GRM4: variants seen among roughly 807,000 people sequenced by gnomAD.
GRM4 encodes glutamate metabotropic receptor 4, also known as metabotropic glutamate receptor 4.
A neutral mutation model predicts 81.7 loss-of-function variants in GRM4; 28 were observed. That is an observed-to-expected ratio of 0.34 (90% CI 0.25 to 0.47). The LOEUF (loss-of-function observed/expected upper bound fraction) is 0.47, where lower values mean the gene tolerates loss of function less well. Among genes scored for constraint, GRM4 ranks in the 20% least tolerant of loss-of-function variants. The probability of loss-of-function intolerance (pLI) is 1.00; values close to 1 mark genes in which losing one functional copy is unlikely to be tolerated. For synonymous variants in GRM4, 488 were observed against 528.8 expected, an observed-to-expected ratio of 0.92 and a Z score of 1.06; for missense variants, 948 against 1,290.0, an observed-to-expected ratio of 0.73 and a Z score of 4.06.
chr6:34,040,141 G>C lies in GRM4; in HGVS notation c.1506+37C>G, dbSNP rs200048856. On this transcript the variant is annotated intron_variant, in intron 8 of 10. Transcript: ENST00000538487. The stretch of plus-strand genomic sequence containing the variant: ...CCCCTCCCAGGGGCTGGAACTGCGT[G>C]AGTCACTCTCCACCCACTCCCTGCC... 1.9e-6 allele frequency: 3 copies of C among 1,603,404 alleles called. No homozygotes were observed. In the East Asian group the frequency reaches 6.7e-5, roughly 36 times the overall value.
At position 34,111,349 on chromosome 6, in the gene GRM4, ACACT is replaced by A. The variant is rs1283079951; in HGVS notation, c.520-19254_520-19251del. On this transcript the variant is annotated intron_variant, in intron 2 of 10. Coordinates refer to ENST00000538487, the MANE Select transcript of GRM4 (RefSeq NM_000841.4). The surrounding 1 kb of genome is among the most constrained non-coding windows in gnomAD (Gnocchi z 5.1). The stretch of plus-strand genomic sequence containing the variant: ...GTCCCACACATACTTTCCTGGACTC[ACACT>A]CACAGGCCTCTTGGTGGTAAGTACA... Among the ~76,000 whole-genome samples, 2 of 150,634 alleles carry A rather than the reference ACACT, an allele frequency of 1.3e-5. No homozygotes were observed. The highest frequency in any genetic ancestry group is 3.0e-5 in the Non-Finnish European group (2 of 67,744).
chr6:34,155,461 T>C (rs1016664317), exon 1 of GRM4: 3 of 959,264 alleles, frequency 3.1e-6, no homozygotes, highest in Middle Eastern at 3.4e-4. Context: ...CGACGCACAT[T>C]GGAGTTACCT....
At position 34,034,820 on chromosome 6, in the gene GRM4, G is replaced by A. The variant is rs557961052; in HGVS notation, c.2442+848C>T. Among the ~76,000 whole-genome samples, 1 of 152,352 alleles carries A rather than the reference G, an allele frequency of 6.6e-6. No homozygotes were observed. Among genetic ancestry groups the A allele is most frequent in the South Asian group, 2.1e-4 (1 of 4,830 alleles). ...TCAGACCAAGACCTGGGTCCTTGGT[G>A]CACCTTGATGCCCTGCCTTCAGTGA... On this transcript the variant is annotated intron_variant, in intron 9 of 10. Coordinates refer to ENST00000538487, the MANE Select transcript of GRM4 (RefSeq NM_000841.4). The surrounding 1 kb of genome is among the most constrained non-coding windows in gnomAD (Gnocchi z 4.0).
At chr6:34,075,295 T>A (rs1767256489) in intron 3 of GRM4, among the ~76,000 whole-genome samples, 4 of 151,966 alleles carry the variant, frequency 2.6e-5, no homozygotes, top group African/African-American at 7.3e-5. Flanking sequence ...GTGGAGGAGG[T>A]CATAAATCGC....
At chr6:34,113,126 C>T (rs954840810) in intron 2 of GRM4, among the ~76,000 whole-genome samples, 1 of 151,642 alleles carries the variant, frequency 6.6e-6, no homozygotes, top group Admixed American at 6.6e-5. Context: ...TTCCTTCCTC[C>T]TTCCCTTCCC....
chr6:34,123,157 T>A (rs1297953302), intron 2 of GRM4, among the ~76,000 whole-genome samples: 1 of 152,064 alleles, frequency 6.6e-6, no homozygotes, highest in Non-Finnish European at 1.5e-5. Context: ...GGGCCACAGG[T>A]TGCTTCACTG....
chr6:34,101,287 C>G (rs1768824205), intron 2 of GRM4, among the ~76,000 whole-genome samples: 1 of 152,188 alleles, frequency 6.6e-6, no homozygotes, highest in Non-Finnish European at 1.5e-5. Flanking sequence ...TACCATAGTC[C>G]TATGAGGTGG....
At chr6:34,095,785 A>G (rs1251138873) in intron 2 of GRM4, among the ~76,000 whole-genome samples, 1 of 152,052 alleles carries the variant, frequency 6.6e-6, no homozygotes, top group Non-Finnish European at 1.5e-5. Context: ...TGGGAATGCT[A>G]TTGGGCTCTC....
At position 34,133,479 on chromosome 6, in the gene GRM4, G is replaced by A. The variant is rs746335654; in HGVS notation, c.18C>T (p.Gly6=). 10 of 1,575,234 alleles carry A rather than the reference G, an allele frequency of 6.3e-6. No homozygotes were observed. In the South Asian group the frequency reaches 1.2e-4, roughly 18 times the overall value. MPGKR[G]LGWWWARLPL... is the part of the protein sequence containing the mutation. ...GCAGCCGGGCCCACCACCAGCCCAA[G>A]CCTCTCTTCCCAGGCATCTCGGAAA... Residue 6 remains glycine, a synonymous_variant, in exon 2 of 11, where the codon GGC becomes GGT. Coordinates refer to ENST00000538487, the MANE Select transcript of GRM4 (RefSeq NM_000841.4). This position sits in a 1 kb window ranked among gnomAD's most constrained non-coding sequence, Gnocchi z 6.5.
At chr6:34,079,468 C>T (rs949551167) in intron 3 of GRM4, among the ~76,000 whole-genome samples, 1 of 152,224 alleles carries the variant, frequency 6.6e-6, no homozygotes, top group Non-Finnish European at 1.5e-5. Flanking sequence ...TCGTTGCATT[C>T]AGACCTGCCT....
At position 34,069,234 on chromosome 6, in the gene GRM4, C is replaced by T. The variant is rs1318607707; in HGVS notation, c.737-7206G>A. Among the ~76,000 whole-genome samples the T allele has an allele frequency of 1.3e-5, 2 of 151,968 alleles. No homozygotes were observed. The highest frequency in any genetic ancestry group is 4.8e-5 in the African/African-American group (2 of 41,346). ...CGCACACACGGCTCCTTCCTTCTGACTTCCAAAGCCAGGCCCTTCCCCAAA... is the reference window on the plus strand; with the variant it reads ...CGCACACACGGCTCCTTCCTTCTGATTTCCAAAGCCAGGCCCTTCCCCAAA... On this transcript the variant is annotated intron_variant, in intron 3 of 10. Transcript: ENST00000538487. This position sits in a 1 kb window ranked among gnomAD's most constrained non-coding sequence, Gnocchi z 6.4.
chr6:34,044,171 TATAC>T (rs1413083281), intron 6 of GRM4, among the ~76,000 whole-genome samples: 6 of 141,172 alleles, frequency 4.3e-5, no homozygotes, highest in South Asian at 2.3e-4. Context: ...TACACACACA[TATAC>T]ATACATACAC....
At chr6:34,037,830 TCCAG>T (rs1764792127) in intron 8 of GRM4, among the ~76,000 whole-genome samples, 1 of 137,436 alleles carries the variant, frequency 7.3e-6, no homozygotes, top group Admixed American at 8.3e-5. Context: ...GCCACTGCGC[TCCAG>T]CCTGACGACA....
chr6:34,074,829 A>T lies in GRM4; in HGVS notation c.737-12801T>A, dbSNP rs1767230861. ...GCAGGAGGGGCCTGGATGGGGCAGG[A>T]CACAAAGAGATGGCTGGTTCCTGGC... On this transcript the variant is annotated intron_variant, in intron 3 of 10. Coordinates refer to ENST00000538487, the MANE Select transcript of GRM4 (RefSeq NM_000841.4). The surrounding 1 kb of genome is among the most constrained non-coding windows in gnomAD (Gnocchi z 4.9). Among the ~76,000 whole-genome samples, 1 of 152,160 alleles carries T rather than the reference A, an allele frequency of 6.6e-6. No homozygotes were observed. Among genetic ancestry groups the T allele is most frequent in the Admixed American group, 6.5e-5 (1 of 15,278 alleles).
intron 3 of GRM4, among the ~76,000 whole-genome samples, chr6:34,072,645 A>AAC (rs1766998322): frequency 6.8e-6 from 1 of 147,428 alleles, no homozygotes; most frequent in African/African-American, 2.5e-5. Flanking sequence ...CACCACACAC[A>AAC]CACACATCAC....
intron 2 of GRM4, among the ~76,000 whole-genome samples, chr6:34,116,770 G>A (rs1161754015): frequency 6.6e-6 from 1 of 152,222 alleles, no homozygotes; most frequent in Admixed American, 6.5e-5. Context: ...CAAATGTCCA[G>A]TGGCAGCAGA....
rs1562012152 is a variant in GRM4, at chr6:34,035,496, G to GAGAAGGCAGAAGGAGGCATGAA, written c.2442+171_2442+172insTTCATGCCTCCTTCTGCCTTCT. 1.3e-4 allele frequency among the ~76,000 whole-genome samples: 18 copies of GAGAAGGCAGAAGGAGGCATGAA among 137,776 alleles called. No individual in the cohort carries two copies. The highest frequency in any genetic ancestry group is 3.8e-3 in the Middle Eastern group (1 of 264). 90.4% of individuals were successfully genotyped at this position (137,776 alleles called of 152,430 possible). A position where few individuals can be genotyped will look rare whatever the true frequency, so the allele number is the denominator to read the frequency against. On this transcript the variant is annotated intron_variant, in intron 9 of 10. Coordinates refer to ENST00000538487, the MANE Select transcript of GRM4 (RefSeq NM_000841.4). The surrounding 1 kb of genome is among the most constrained non-coding windows in gnomAD (Gnocchi z 6.6). ...CCAGAGAGAAAACTTGCAGCTGGGA[G>GAGAAGGCAGAAGGAGGCATGAA]AGAAGGCAGAATGAGGCATGAAAGA... is the stretch of plus-strand genomic sequence containing the variant.
chr6:34,100,150 A>G (rs922733581), intron 2 of GRM4: 8 of 586,266 alleles, frequency 1.4e-5, no homozygotes, highest in Non-Finnish European at 1.5e-5. Context: ...AGTGCAATTG[A>G]TCAGCCTGCG....
intron 5 of GRM4, 39 bp from the exon 6 acceptor site, chr6:34,056,723 C>T: frequency 7.5e-6 from 12 of 1,598,452 alleles, no homozygotes; most frequent in Non-Finnish European, 1.0e-5. Flanking sequence ...CACTGGCCTT[C>T]TTCCCCACCA....
Sources: gnomAD v4.1 joint callset for allele counts (sites outside exome capture counted in the v4.1 genomes callset) on GRCh38, gnomAD v4.1.1 for gene constraint, Gnocchi (gnomAD v3.1) non-coding constraint, MANE v1.5 for transcripts, NCBI Gene and HGNC (gene_info 2026-07-23, HGNC 2026-07-21) for gene names.